The following SLC3A1 variants were observed in gnomAD, a reference collection of about 807,000 sequenced individuals.
SLC3A1 encodes the protein amino acid transporter heavy chain SLC3A1.
SLC3A1 carries 78 observed loss-of-function variants against 60.3 expected under a neutral mutation model. That is an observed-to-expected ratio of 1.29 (90% CI 1.08 to 1.56). SLC3A1 has a LOEUF of 1.56. Ranked by LOEUF, SLC3A1 falls within the 40% of genes most tolerant of loss-of-function variation. The pLI, the probability that SLC3A1 is intolerant of heterozygous loss-of-function variation, is 0.00. For synonymous variants in SLC3A1, 392 were observed against 307.9 expected (o/e 1.27, Z -2.86); for missense variants, 1,172 against 858.9 (o/e 1.36, Z -4.56).
intron 4 of SLC3A1, among the ~76,000 whole-genome samples, chr2:44,288,291 G>A (rs1490698964): frequency 6.6e-6 from 1 of 152,128 alleles, no homozygotes; most frequent in Non-Finnish European, 1.5e-5. Flanking sequence ...TTCCCAAAAT[G>A]CTGGGATTAC....
In SLC3A1 at chr2:44,320,455, A is replaced by G. The variant is rs138907837; in HGVS notation, c.1874A>G (p.Asn625Ser). The stretch of plus-strand genomic sequence containing the variant: ...AAAATGAGAATAAGGTTAAGTACCA[A>G]TTCTGCCGACAAAGGCAGTAAAGTT... ...PAKMRIRLST[N>S]SADKGSKVDT... Residue 625 changes from asparagine to serine, a missense_variant, in exon 10 of 10, where the codon AAT (asparagine) becomes AGT (serine). Asn to Ser is a conservative substitution (Grantham distance 46, BLOSUM62 1). Coordinates refer to ENST00000260649, the MANE Select transcript of SLC3A1 (RefSeq NM_000341.4). The G allele has an allele frequency of 7.6e-5, 122 of 1,614,038 alleles. No homozygotes were observed. Among genetic ancestry groups the G allele is most frequent in the Non-Finnish European group, 9.6e-5 (113 of 1,179,990 alleles).
intron 6 of SLC3A1, chr2:44,303,764 T>A: frequency 5.5e-6 from 2 of 364,776 alleles, no homozygotes. Flanking sequence ...CGGTGTGTGA[T>A]GTTCCCTGCC....
intron 4 of SLC3A1, among the ~76,000 whole-genome samples, chr2:44,287,501 G>A (rs563604098): frequency 6.6e-6 from 1 of 152,172 alleles, no homozygotes; most frequent in South Asian, 2.1e-4. Context: ...AATTTTAAAT[G>A]AATGATGCAA....
Position 44,313,941 on chromosome 2 carries a change from T to A in SLC3A1, c.1607T>A (p.Val536Glu). ...WLPTNSDYHT[V>E]NVDVQKTQPR... ...CCTACCAATTCAGATTACCACACTG[T>A]GAATGTTGATGTAAGTATCAGTGAA... is the stretch of plus-strand genomic sequence containing the variant. Residue 536 changes from valine to glutamate, a missense_variant, in exon 9 of 10, where the codon GTG becomes GAG. Val to Glu is a moderately radical substitution (Grantham distance 121, BLOSUM62 -2). Transcript: ENST00000260649. The A allele has an allele frequency of 6.2e-7, 1 of 1,614,086 alleles. No individual in the cohort carries two copies. The highest frequency in any genetic ancestry group is 8.5e-7 in the Non-Finnish European group (1 of 1,179,976).
chr2:44,318,095 GTT>G (rs11348872), intron 9 of SLC3A1: 17,896 of 390,812 alleles, frequency 0.046, 824 homozygotes, highest in African/African-American at 0.22. Context: ...TCTCAACACT[GTT>G]TTTTTTTTTT....
chr2:44,276,090 C>A, intron 1 of SLC3A1, 125 bp downstream of exon 1: 1 of 828,946 alleles, frequency 1.2e-6, no homozygotes. Context: ...CTGGTCATGC[C>A]AAGTTGCTCC....
chr2:44,291,255 C>T (rs1420394671), intron 4 of SLC3A1, among the ~76,000 whole-genome samples: 1 of 152,176 alleles, frequency 6.6e-6, no homozygotes, highest in Admixed American at 6.5e-5. Flanking sequence ...AGCTGGTTTA[C>T]AGTTGGTTTA....
At position 44,275,637 on chromosome 2, in the gene SLC3A1, C is replaced by T. The variant is rs778189309; in HGVS notation, c.102C>T (p.Thr34=). Residue 34 remains threonine (T), a synonymous_variant, in exon 1 of 10, where the codon ACC becomes ACT. Transcript: ENST00000260649. ...FVHNEDILEQ[T]PDPGSSTDNL... ...ATAATGAAGACATTCTGGAGCAGAC[C>T]CCGGATCCAGGAAGCTCAACAGACA... 5.6e-6 allele frequency: 9 copies of T among 1,614,106 alleles called. No individual in the cohort carries two copies. The highest frequency in any genetic ancestry group is 4.5e-5 in the East Asian group (2 of 44,876).
At chr2:44,303,733 C>T (rs568797288) in intron 6 of SLC3A1, 6 of 332,928 alleles carry the variant, frequency 1.8e-5, no homozygotes, top group East Asian at 1.3e-4. Flanking sequence ...TTCCCTTAGC[C>T]CCCCACCCAC....
Position 44,321,201 on chromosome 2 carries a change from G to C in SLC3A1, c.*562G>C. 3.0e-6 allele frequency: 2 copies of C among 660,428 alleles called. No homozygotes were observed. The highest frequency in any genetic ancestry group is 4.0e-5 in the South Asian group (2 of 49,502). The allele number at this position is 660,428 out of a possible 1,614,324, so 40.9% of individuals were successfully genotyped here. ...TGGAGAGAATAGTATAAGCAAGTGAGATGTAGACTAAGCAAAATTTAGATG... is the reference window on the plus strand; with the variant it reads ...TGGAGAGAATAGTATAAGCAAGTGACATGTAGACTAAGCAAAATTTAGATG... On this transcript the variant is annotated 3_prime_UTR_variant, in exon 10 of 10. Coordinates refer to ENST00000260649, the MANE Select transcript of SLC3A1 (RefSeq NM_000341.4).
intron 9 of SLC3A1, among the ~76,000 whole-genome samples, chr2:44,317,289 C>CCTAT (rs1672504339): frequency 6.6e-6 from 1 of 152,094 alleles, no homozygotes; most frequent in South Asian, 2.1e-4. Context: ...ATAGTAAGAC[C>CCTAT]CTATCTATCT....
intron 9 of SLC3A1, chr2:44,315,309 G>A (rs1283349542): frequency 6.6e-6 from 1 of 151,826 alleles, no homozygotes; most frequent in Non-Finnish European, 1.5e-5. Context: ...ACATCCAAAT[G>A]ACCCTGGAAA....
chr2:44,299,841 G>C, intron 4 of SLC3A1, 130 bp from the exon 5 acceptor site: 1 of 965,450 alleles, frequency 1.0e-6, no homozygotes, highest in Non-Finnish European at 1.6e-6. Context: ...AATAGACTGT[G>C]AATACTGTGC....
chr2:44,277,290 A>T (rs1268850935), intron 1 of SLC3A1, among the ~76,000 whole-genome samples: 3 of 151,890 alleles, frequency 2.0e-5, no homozygotes, highest in African/African-American at 7.3e-5. Flanking sequence ...TATTTTTAAT[A>T]GAGACGAGGG....
intron 7 of SLC3A1, among the ~76,000 whole-genome samples, chr2:44,309,223 C>A (rs74261795): frequency 0.043 from 6,572 of 152,258 alleles, 225 homozygotes; most frequent in South Asian, 0.15. Context: ...CTCACTTCCA[C>A]CACTAACCCC....
chr2:44,304,394 G>C (rs1672099797), intron 7 of SLC3A1, 56 bp downstream of exon 7: 13 of 1,359,430 alleles, frequency 9.6e-6, no homozygotes, highest in South Asian at 5.9e-5. Context: ...TTGCTGTCCA[G>C]TTATCTCTAA....
At chr2:44,279,122 C>T (rs537542688) in intron 1 of SLC3A1, among the ~76,000 whole-genome samples, 1 of 152,096 alleles carries the variant, frequency 6.6e-6, no homozygotes, top group South Asian at 2.1e-4. Flanking sequence ...CCTCAGCCTC[C>T]CGAGTAGCTG....
At chr2:44,314,417 G>T in intron 9 of SLC3A1, 1 of 220,278 alleles carries the variant, frequency 4.5e-6, no homozygotes. Context: ...TAAAGTGGTT[G>T]CTCTGGCATA....
At chr2:44,280,325 G>A (rs1405458798) in intron 1 of SLC3A1, among the ~76,000 whole-genome samples, 1 of 151,962 alleles carries the variant, frequency 6.6e-6, no homozygotes, top group African/African-American at 2.4e-5. Context: ...TGTAGCCTCC[G>A]ATTCCCAGGT....
Sources: gnomAD v4.1 joint callset for allele counts (sites outside exome capture counted in the v4.1 genomes callset) on GRCh38, gnomAD v4.1.1 for gene constraint, MANE v1.5 for transcripts, NCBI Gene and HGNC (gene_info 2026-07-23, HGNC 2026-07-21) for gene names.